RIMKLB: variants seen among roughly 807,000 people sequenced by gnomAD.
RIMKLB encodes the protein beta-citrylglutamate synthase B.
RIMKLB carries 7 observed loss-of-function variants against 32.0 expected under a neutral mutation model. That is an observed-to-expected ratio of 0.22 (90% CI 0.12 to 0.41). RIMKLB has a LOEUF of 0.41. Ranked by LOEUF, RIMKLB falls within the 10% of genes least tolerant of loss-of-function variation. RIMKLB has a pLI of 1.00. For synonymous variants in RIMKLB, 172 were observed against 185.1 expected, an observed-to-expected ratio of 0.93 and a Z score of 0.57; for missense variants, 289 against 498.7, an observed-to-expected ratio of 0.58 and a Z score of 4.00.
intron 1 of RIMKLB, among the ~76,000 whole-genome samples, chr12:8,709,914 T>G (rs1354424317): frequency 1.3e-5 from 2 of 152,226 alleles, no homozygotes; most frequent in Non-Finnish European, 2.9e-5. Flanking sequence ...ACTGGGGGTC[T>G]TGGAATTATC....
chr12:8,733,790 A>G (rs1416903304), intron 2 of RIMKLB, among the ~76,000 whole-genome samples: 1 of 152,196 alleles, frequency 6.6e-6, no homozygotes, highest in African/African-American at 2.4e-5. Context: ...AGGCTGAGGT[A>G]GGAGGATTGA....
rs1478369293 is a variant in RIMKLB, at chr12:8,754,041, C to T, written c.645C>T (p.Gly215=). 6.2e-7 allele frequency: 1 copy of T among 1,614,016 alleles called. No individual in the cohort carries two copies. Among genetic ancestry groups the T allele is most frequent in the East Asian group, 2.2e-5 (1 of 44,874 alleles). Residue 215 remains glycine (G), a synonymous_variant, in exon 5 of 6, where the codon GGC becomes GGT. Coordinates refer to ENST00000535829, the MANE Select transcript of RIMKLB (RefSeq NM_001297776.2). ...RVIVVGGRVV[G]TMLRCSTDGR... is the part of the protein sequence containing the mutation. Reference sequence around the variant, plus strand: ...TTGTCGTGGGAGGCCGTGTGGTTGGCACCATGTTACGTTGTTCAACAGATG... The same window carrying T: ...TTGTCGTGGGAGGCCGTGTGGTTGGTACCATGTTACGTTGTTCAACAGATG...
intron 2 of RIMKLB, among the ~76,000 whole-genome samples, chr12:8,721,104 A>G (rs1171108563): frequency 6.6e-6 from 1 of 152,188 alleles, no homozygotes; most frequent in Non-Finnish European, 1.5e-5. Flanking sequence ...ATGTGTTTTG[A>G]TGAAGATCTC....
the RIMKLB span, among the ~76,000 whole-genome samples, chr12:8,674,863 CTTTT>C: frequency 1.6e-5 from 2 of 128,256 alleles, no homozygotes; most frequent in African/African-American, 2.9e-5. Flanking sequence ...TGTCACAATT[CTTTT>C]TTTTTTTTTT....
chr12:8,773,304 CTTGT>C lies in RIMKLB; in HGVS notation c.698-14_698-11del. The stretch of plus-strand genomic sequence containing the variant: ...GTTTATGATTTTGTTAATTTCCTGT[CTTGT>C]TTCTTTTGCCAGGTGGTGTGGGGAT... On this transcript the variant is annotated splice_polypyrimidine_tract_variant and intron_variant, in intron 5 of 5. Transcript: ENST00000535829. The C allele has an allele frequency of 6.4e-7, 1 of 1,556,028 alleles. No homozygotes were observed. Among genetic ancestry groups the C allele is most frequent in the Non-Finnish European group, 8.8e-7 (1 of 1,130,224 alleles).
intron 2 of RIMKLB, among the ~76,000 whole-genome samples, chr12:8,722,391 G>A (rs1395621071): frequency 6.6e-6 from 1 of 152,090 alleles, no homozygotes; most frequent in African/African-American, 2.4e-5. Flanking sequence ...TTTCTGAGTA[G>A]TAGGTCTCAA....
At chr12:8,703,343 T>A (rs1943569582) in intron 1 of RIMKLB, among the ~76,000 whole-genome samples, 1 of 152,150 alleles carries the variant, frequency 6.6e-6, no homozygotes, top group African/African-American at 2.4e-5. Flanking sequence ...AGAACTTTTT[T>A]AAGGCAGGGT....
chr12:8,722,632 C>A (rs918193389), intron 2 of RIMKLB, among the ~76,000 whole-genome samples: 1 of 152,242 alleles, frequency 6.6e-6, no homozygotes, highest in African/African-American at 2.4e-5. Flanking sequence ...ATGGACTTCT[C>A]TTTAGCTGCT....
intron 5 of RIMKLB, among the ~76,000 whole-genome samples, chr12:8,758,523 A>G (rs1411445074): frequency 6.6e-6 from 1 of 151,956 alleles, no homozygotes; most frequent in Non-Finnish European, 1.5e-5. Flanking sequence ...TTTTTTGATT[A>G]TAGATTTTGA....
intron 5 of RIMKLB, among the ~76,000 whole-genome samples, chr12:8,762,998 C>T (rs1165977588): frequency 6.6e-6 from 1 of 152,240 alleles, no homozygotes; most frequent in Non-Finnish European, 1.5e-5. Context: ...AGTTGCAGCA[C>T]TGGCTCTTTA....
chr12:8,695,395 G>C (rs1942858042), upstream of RIMKLB, among the ~76,000 whole-genome samples: 1 of 152,076 alleles, frequency 6.6e-6, no homozygotes, highest in African/African-American at 2.4e-5. Context: ...ATGACTGAAT[G>C]TATGTACAGC....
intron 1 of RIMKLB, among the ~76,000 whole-genome samples, chr12:8,686,655 T>G (rs972070921): frequency 4.0e-5 from 6 of 151,802 alleles, no homozygotes; most frequent in Admixed American, 6.6e-5. Flanking sequence ...AATTTTTTTT[T>G]GTATTTTTAG....
At chr12:8,726,717 T>C (rs758497073) in intron 2 of RIMKLB, among the ~76,000 whole-genome samples, 5 of 152,182 alleles carry the variant, frequency 3.3e-5, no homozygotes, top group African/African-American at 4.8e-5. Context: ...TACAGTAAAT[T>C]TTCTTATAGA....
At chr12:8,762,729 G>A (rs1225959068) in intron 5 of RIMKLB, among the ~76,000 whole-genome samples, 1 of 152,150 alleles carries the variant, frequency 6.6e-6, no homozygotes, top group African/African-American at 2.4e-5. Context: ...AGTTCTGCCA[G>A]CTGAGCGCTA....
chr12:8,676,790 A>G (rs1438898280), upstream of RIMKLB, among the ~76,000 whole-genome samples: 1 of 152,242 alleles, frequency 6.6e-6, no homozygotes, highest in African/African-American at 2.4e-5. Flanking sequence ...TGAACATCCC[A>G]TAGGCACCTT....
At chr12:8,726,163 T>C (rs1945977800) in intron 2 of RIMKLB, among the ~76,000 whole-genome samples, 1 of 152,226 alleles carries the variant, frequency 6.6e-6, no homozygotes, top group African/African-American at 2.4e-5. Context: ...TGTACTGTTT[T>C]GCATTCCCAC....
chr12:8,709,699 G>T (rs1944200364), intron 1 of RIMKLB, among the ~76,000 whole-genome samples: 1 of 152,246 alleles, frequency 6.6e-6, no homozygotes. Flanking sequence ...CACTTTCTGT[G>T]GTTTCAGTTA....
At chr12:8,759,938 CTTTA>C (rs1949375082) in intron 5 of RIMKLB, among the ~76,000 whole-genome samples, 1 of 152,262 alleles carries the variant, frequency 6.6e-6, no homozygotes. Context: ...ATCTTGGCAT[CTTTA>C]TTTTTTATTT....
At chr12:8,746,342 T>C (rs1001806120) in intron 2 of RIMKLB, among the ~76,000 whole-genome samples, 1 of 151,694 alleles carries the variant, frequency 6.6e-6, no homozygotes, top group Non-Finnish European at 1.5e-5. Flanking sequence ...CTCATGCCTG[T>C]AATCCCAGCA....
Sources: allele counts gnomAD v4.1 joint callset (sites outside exome capture counted in the v4.1 genomes callset), GRCh38; gene constraint gnomAD v4.1.1; transcripts MANE v1.5; gene names NCBI Gene and HGNC (gene_info 2026-07-23, HGNC 2026-07-21).